The following PCDHA7 variants were observed in gnomAD, a reference collection of about 807,000 sequenced individuals.
PCDHA7 encodes protocadherin alpha 7, also known as protocadherin alpha-7.
In PCDHA7, 37 loss-of-function variants were observed where a neutral mutation model predicts 57.2. The ratio of observed to expected loss-of-function variants is 0.65; its 90% CI spans 0.50 to 0.85. PCDHA7 has a LOEUF of 0.85. Among genes scored for constraint, PCDHA7 ranks in the 40% least tolerant of loss-of-function variants. The pLI is 0.00. For synonymous variants in PCDHA7, 553 were observed against 558.8 expected (o/e 0.99, Z 0.15); for missense variants, 1,188 against 1,241.8 (o/e 0.96, Z 0.65).
chr5:140,905,643 A>G (rs532700036), intron 1 of PCDHA7, among the ~76,000 whole-genome samples: 1 of 152,306 alleles, frequency 6.6e-6, no homozygotes, highest in Non-Finnish European at 1.5e-5. Context: ...TCAGTTTCAC[A>G]GTATTGATTC....
intron 1 of PCDHA7, among the ~76,000 whole-genome samples, chr5:140,888,097 G>T (rs536916138): frequency 3.3e-4 from 50 of 152,066 alleles, no homozygotes; most frequent in African/African-American, 1.2e-3. Context: ...TCCTTAGTTT[G>T]CTTCTTTTAA....
At chr5:140,844,920 G>A (rs1554140772) in intron 1 of PCDHA7, among the ~76,000 whole-genome samples, 1 of 149,212 alleles carries the variant, frequency 6.7e-6, no homozygotes, top group Non-Finnish European at 1.5e-5. Context: ...AGAAATTGAT[G>A]GAAGGGAATG....
chr5:140,892,180 T>G (rs1176959692), intron 1 of PCDHA7, among the ~76,000 whole-genome samples: 1 of 152,224 alleles, frequency 6.6e-6, no homozygotes, highest in Non-Finnish European at 1.5e-5. Flanking sequence ...GGGATCCTCA[T>G]GGGTCTATTC....
At chr5:140,854,271 A>C in intron 1 of PCDHA7, 5 of 574,086 alleles carry the variant, frequency 8.7e-6, no homozygotes, top group Non-Finnish European at 1.1e-5. Context: ...CATTAGTAGA[A>C]ATTGAGTTTA....
At position 141,011,373 on chromosome 5, in the gene PCDHA7, TAA is replaced by T. The variant is rs1299941460; in HGVS notation, c.*1437_*1438del. The T allele has an allele frequency of 1.3e-5, 2 of 153,792 alleles. No homozygotes were observed. Among genetic ancestry groups the T allele is most frequent in the Non-Finnish European group, 2.9e-5 (2 of 68,046 alleles). The allele number at this position is 153,792 out of a possible 1,614,324, so 9.5% of individuals were successfully genotyped here. A position where few individuals can be genotyped will look rare whatever the true frequency, so the allele number is the denominator to read the frequency against. The stretch of plus-strand genomic sequence containing the variant: ...CCCATATGTATGCTGTATGCTATGC[TAA>T]GACTCCTGAAATATACTTACTCTGT... On this transcript the variant is annotated 3_prime_UTR_variant, in exon 4 of 4. Coordinates refer to ENST00000525929, the MANE Select transcript of PCDHA7 (RefSeq NM_018910.3).
At chr5:140,892,405 T>C (rs1224393895) in intron 1 of PCDHA7, among the ~76,000 whole-genome samples, 2 of 152,206 alleles carry the variant, frequency 1.3e-5, no homozygotes, top group African/African-American at 2.4e-5. Context: ...ATTTCAAGCT[T>C]CAGGTATTCT....
chr5:140,954,282 T>C (rs1554221335), intron 1 of PCDHA7, among the ~76,000 whole-genome samples: 1 of 152,220 alleles, frequency 6.6e-6, no homozygotes. Context: ...TGATTTATAT[T>C]CCTTTGGGTA....
intron 1 of PCDHA7, chr5:140,857,699 C>G: frequency 6.3e-7 from 1 of 1,597,158 alleles, no homozygotes; most frequent in South Asian, 1.1e-5. Context: ...CTTGACGCTG[C>G]AGGTGTTCGT....
intron 1 of PCDHA7, among the ~76,000 whole-genome samples, chr5:140,970,314 A>G (rs141905108): frequency 0.01 from 1,597 of 152,320 alleles, 13 homozygotes; most frequent in Middle Eastern, 0.014. Flanking sequence ...AAGTTAAATG[A>G]CAGTACTTCC....
intron 3 of PCDHA7, among the ~76,000 whole-genome samples, chr5:140,992,478 A>T (rs2097514142): frequency 6.6e-6 from 1 of 152,210 alleles, no homozygotes; most frequent in African/African-American, 2.4e-5. Flanking sequence ...TAGATCACCC[A>T]GAGGCCAATC....
At chr5:140,900,280 T>G (rs549563825) in intron 1 of PCDHA7, among the ~76,000 whole-genome samples, 1 of 152,182 alleles carries the variant, frequency 6.6e-6, no homozygotes, top group Admixed American at 6.5e-5. Flanking sequence ...TGTACCACAC[T>G]TTCTTTTCTG....
intron 1 of PCDHA7, chr5:140,876,457 T>C: frequency 6.2e-7 from 1 of 1,614,008 alleles, no homozygotes; most frequent in Non-Finnish European, 8.5e-7. Flanking sequence ...AGGGATTCCT[T>C]CCATGGCAGG....
chr5:140,911,477 T>A (rs1457881834), intron 1 of PCDHA7, among the ~76,000 whole-genome samples: 2 of 152,132 alleles, frequency 1.3e-5, no homozygotes, highest in Non-Finnish European at 2.9e-5. Context: ...AGACTCTCAC[T>A]CAGGGCAATC....
rs34213614 is a variant in PCDHA7 at position 140,896,536 on chromosome 5, C to CTT, written c.2355+59809_2355+59810dup. ...CACACCACAAAGCCCAGCTATTTTT[C>CTT]TTTTTTTTTTTTGTATTTTAAGTAG... On this transcript the variant is annotated intron_variant, in intron 1 of 3. Coordinates refer to ENST00000525929, the MANE Select transcript of PCDHA7 (RefSeq NM_018910.3). 2.9e-3 allele frequency among the ~76,000 whole-genome samples: 427 copies of CTT among 145,644 alleles called. 4 individuals are homozygous for CTT. Among genetic ancestry groups the CTT allele is most frequent in the African/African-American group, 7.7e-3 (305 of 39,602 alleles).
At chr5:140,851,245 A>G (rs2042003165) in intron 1 of PCDHA7, 2 of 1,104,800 alleles carry the variant, frequency 1.8e-6, no homozygotes, top group Non-Finnish European at 2.3e-6. Flanking sequence ...TTGCTAAATG[A>G]TGCATAGTAT....
chr5:140,843,565 G>T, intron 1 of PCDHA7: 1 of 1,595,918 alleles, frequency 6.3e-7, no homozygotes, highest in South Asian at 1.1e-5. Flanking sequence ...TGGGGAGCTG[G>T]TCATACTCGC....
rs2153592349 is a variant in PCDHA7 at position 140,927,874 on chromosome 5, G to A, written c.2356-51075G>A. 1.9e-6 allele frequency: 3 copies of A among 1,614,102 alleles called. No individual in the cohort carries two copies. The East Asian group carries it at 6.7e-5, about 36-fold the overall frequency. Reference sequence around the variant, plus strand: ...TTTAGCTAGCACCGCTAAACTGCTGGTGGAGGTGACTGACGTGAACGATCA... The same window carrying A: ...TTTAGCTAGCACCGCTAAACTGCTGATGGAGGTGACTGACGTGAACGATCA... On this transcript the variant is annotated intron_variant, in intron 1 of 3. Coordinates refer to ENST00000525929, the MANE Select transcript of PCDHA7 (RefSeq NM_018910.3).
At chr5:140,962,350 C>A (rs78940637) in intron 1 of PCDHA7, among the ~76,000 whole-genome samples, 3,557 of 152,264 alleles carry the variant, frequency 0.023, 46 homozygotes, top group Middle Eastern at 0.034. Context: ...TAAAACTCCC[C>A]CCAATACTGG....
At chr5:140,921,781 G>C (rs1393443819) in intron 1 of PCDHA7, among the ~76,000 whole-genome samples, 1 of 151,986 alleles carries the variant, frequency 6.6e-6, no homozygotes, top group Non-Finnish European at 1.5e-5. Context: ...TACTGACTTG[G>C]ATGTTCTAGA....
Sources: gnomAD v4.1 joint callset for allele counts (sites outside exome capture counted in the v4.1 genomes callset) on GRCh38, gnomAD v4.1.1 for gene constraint, MANE v1.5 for transcripts, NCBI Gene and HGNC (gene_info 2026-07-23, HGNC 2026-07-21) for gene names.